The following ADD3 variants were observed in gnomAD, a reference collection of about 807,000 sequenced individuals.
The protein encoded by ADD3 is gamma-adducin.
In ADD3, 25 loss-of-function variants were observed where a neutral mutation model predicts 80.2. That is an observed-to-expected ratio of 0.31 (90% CI 0.23 to 0.44). The LOEUF (loss-of-function observed/expected upper bound fraction) is 0.44. ADD3 is among the 20% of genes least tolerant of loss of function. ADD3 has a pLI of 1.00. For missense variants in ADD3, 829 were observed against 847.5 expected, an observed-to-expected ratio of 0.98 and a Z score of 0.27; for synonymous variants, 284 against 289.6, an observed-to-expected ratio of 0.98 and a Z score of 0.20.
intron 8 of ADD3, among the ~76,000 whole-genome samples, chr10:110,121,599 A>G (rs370581186): frequency 4.6e-5 from 7 of 152,338 alleles, no homozygotes; most frequent in Middle Eastern, 3.4e-3. Context: ...AACTTTTTCT[A>G]CCAACATTAA....
intron 1 of ADD3, among the ~76,000 whole-genome samples, chr10:110,051,227 C>T (rs536421443): frequency 4.9e-4 from 75 of 152,290 alleles, no homozygotes; most frequent in African/African-American, 1.8e-3. Flanking sequence ...GGGAAATCTT[C>T]ATGACATCAG....
chr10:110,017,111 C>G (rs1372810243), intron 1 of ADD3, among the ~76,000 whole-genome samples: 1 of 152,222 alleles, frequency 6.6e-6, no homozygotes, highest in African/African-American at 2.4e-5. Context: ...TGCCCAAGAT[C>G]GTACCGTTAA....
chr10:110,004,625 C>T (rs1851562049), upstream of ADD3, among the ~76,000 whole-genome samples: 1 of 151,824 alleles, frequency 6.6e-6, no homozygotes, highest in South Asian at 2.1e-4. Context: ...TGGGAAATTT[C>T]AATCCAACTT....
At chr10:110,129,523 G>C (rs1186381155) in intron 12 of ADD3, among the ~76,000 whole-genome samples, 1 of 152,138 alleles carries the variant, frequency 6.6e-6, no homozygotes, top group Non-Finnish European at 1.5e-5. Flanking sequence ...GTGGAATAGG[G>C]AAGGGAACCT....
chr10:110,040,954 GTC>G lies in ADD3; in HGVS notation c.-30+32663_-30+32664del, dbSNP rs1564879691. 1.4e-4 allele frequency among the ~76,000 whole-genome samples: 4 copies of G among 29,620 alleles called. No homozygotes were observed. In the East Asian group the frequency reaches 7.8e-3, roughly 58 times the overall value. 19.4% of individuals were successfully genotyped at this position (29,620 alleles called of 152,430 possible). ...GCTCTCTCTCTCTCTCGCTCTCTCT[GTC>G]TCTCTCTGTCTCTCTCTCTCTCTCT... is the stretch of plus-strand genomic sequence containing the variant. On this transcript the variant is annotated intron_variant, in intron 1 of 14. Coordinates refer to ENST00000356080, the MANE Select transcript of ADD3 (RefSeq NM_016824.5).
intron 2 of ADD3, among the ~76,000 whole-genome samples, chr10:110,102,179 G>C (rs1240046913): frequency 6.6e-6 from 1 of 152,202 alleles, no homozygotes; most frequent in African/African-American, 2.4e-5. Flanking sequence ...GAAAAGTCAT[G>C]AGAGAGTAAA....
chr10:110,003,118 G>C (rs1029717745), upstream of ADD3, among the ~76,000 whole-genome samples: 1 of 152,084 alleles, frequency 6.6e-6, no homozygotes, highest in Non-Finnish European at 1.5e-5. Flanking sequence ...GTTTGAAAAG[G>C]CTGTTGTGCT....
At chr10:110,105,016 C>T (rs948963705) in intron 2 of ADD3, among the ~76,000 whole-genome samples, 10 of 152,086 alleles carry the variant, frequency 6.6e-5, no homozygotes, top group Non-Finnish European at 1.5e-4. Context: ...GTTAATTCAA[C>T]GCAACCTGGA....
At chr10:110,079,068 T>C (rs1156961736) in intron 1 of ADD3, among the ~76,000 whole-genome samples, 1 of 152,202 alleles carries the variant, frequency 6.6e-6, no homozygotes, top group Non-Finnish European at 1.5e-5. Flanking sequence ...CAGTCTGCTA[T>C]ACAAGCTTTG....
At chr10:110,004,510 C>T (rs954862722), upstream of ADD3, among the ~76,000 whole-genome samples, 1 of 151,800 alleles carries the variant, frequency 6.6e-6, no homozygotes, top group East Asian at 2.0e-4. Flanking sequence ...AGGGTTTCAC[C>T]ATGTTGGCCA....
rs1849091450 is a variant in ADD3, at chr10:110,103,659, T to C, written c.195+2811T>C. On this transcript the variant is annotated intron_variant, in intron 2 of 14. Transcript: ENST00000356080. The stretch of plus-strand genomic sequence containing the variant: ...TCCCCATGCTCCAGGGGAGAGAAAT[T>C]AAGCTCCATCTTTTGAGGAGAGAAT... Among the ~76,000 whole-genome samples the C allele has an allele frequency of 1.3e-5, 2 of 152,184 alleles. 1 individual carries two copies. Among genetic ancestry groups the C allele is most frequent in the Admixed American group, 1.3e-4 (2 of 15,282 alleles).
intron 1 of ADD3, among the ~76,000 whole-genome samples, chr10:110,095,106 A>G (rs1286425483): frequency 6.6e-6 from 1 of 152,256 alleles, no homozygotes; most frequent in Non-Finnish European, 1.5e-5. Flanking sequence ...AAGTAACTTA[A>G]TTCAGCCCCC....
intron 1 of ADD3, among the ~76,000 whole-genome samples, chr10:110,046,129 T>A (rs1856881571): frequency 6.6e-6 from 1 of 152,216 alleles, no homozygotes; most frequent in Non-Finnish European, 1.5e-5. Context: ...TTGCTTGATG[T>A]GTACCATAGA....
chr10:110,007,637 G>C (rs1385400328), upstream of ADD3, among the ~76,000 whole-genome samples: 1 of 152,194 alleles, frequency 6.6e-6, no homozygotes, highest in African/African-American at 2.4e-5. Flanking sequence ...AAAGGCGCCA[G>C]GCAGCCGCCC....
chr10:109,997,632 A>G (rs1254699995), intron 1 of ADD3: 2 of 152,248 alleles, frequency 1.3e-5, no homozygotes, highest in Admixed American at 1.3e-4. Context: ...TTTTCTCTCA[A>G]AAGCTTTTAA....
chr10:110,127,719 C>A (rs543014766), intron 12 of ADD3, among the ~76,000 whole-genome samples: 2 of 152,338 alleles, frequency 1.3e-5, no homozygotes, highest in South Asian at 4.1e-4. Context: ...TGATCCAAAT[C>A]TAAATTGGTT....
Position 110,008,245 on chromosome 10 carries a change from G to C in ADD3, c.-84G>C, listed in dbSNP as rs895635036. ...GCGGATCCGGCGGCTGCTGCAGCCC[G>C]GGCGGCTGCCGAGAAGGAGGGAGGG... is the stretch of plus-strand genomic sequence containing the variant. On this transcript the variant is annotated 5_prime_UTR_variant, in exon 1 of 15. Transcript: ENST00000356080. 1 of 152,262 alleles carries C rather than the reference G, an allele frequency of 6.6e-6. No individual in the cohort carries two copies. Among genetic ancestry groups the C allele is most frequent in the African/African-American group, 2.4e-5 (1 of 41,450 alleles). The allele number at this position is 152,262 out of a possible 1,614,324, so 9.4% of individuals were successfully genotyped here.
chr10:110,082,450 AC>A (rs1327849725), intron 1 of ADD3, among the ~76,000 whole-genome samples: 1 of 152,178 alleles, frequency 6.6e-6, no homozygotes, highest in Non-Finnish European at 1.5e-5. Flanking sequence ...CCATTTAAAG[AC>A]CTATTTTGAG....
intron 1 of ADD3, among the ~76,000 whole-genome samples, chr10:110,046,779 A>G (rs1260220159): frequency 6.6e-6 from 1 of 152,234 alleles, no homozygotes; most frequent in African/African-American, 2.4e-5. Flanking sequence ...TGCCTTGTAC[A>G]TAATAGTTGC....
Sources: allele counts gnomAD v4.1 joint callset (sites outside exome capture counted in the v4.1 genomes callset), GRCh38; gene constraint gnomAD v4.1.1; transcripts MANE v1.5; gene names NCBI Gene and HGNC (gene_info 2026-07-23, HGNC 2026-07-21).